Variants in PLXDC2 observed in about 807,000 individuals in gnomAD.
The protein encoded by PLXDC2 is plexin domain-containing protein 2.
PLXDC2 carries 40 observed loss-of-function variants against 68.9 expected under a neutral mutation model. That is an observed-to-expected ratio of 0.58 (90% CI 0.45 to 0.76). The LOEUF (loss-of-function observed/expected upper bound fraction) is 0.76. Ranked by LOEUF, PLXDC2 falls within the 30% of genes least tolerant of loss-of-function variation. The probability of loss-of-function intolerance (pLI) is 0.00; values close to 1 mark genes in which losing one functional copy is unlikely to be tolerated. For missense variants in PLXDC2, 644 were observed against 661.9 expected (o/e 0.97, Z 0.30); for synonymous variants, 243 against 234.2 (o/e 1.04, Z -0.34).
rs149728276 is a variant in PLXDC2 at position 20,004,410 on chromosome 10, G to A, written c.324+2424G>A. ...CTATTTTGGCAATGATGATGTTATA[G>A]CAACTTGGGGTAGGCAACATAATTC... is the stretch of plus-strand genomic sequence containing the variant. On this transcript the variant is annotated intron_variant, in intron 2 of 13. Transcript: ENST00000377252. Among the ~76,000 whole-genome samples the A allele has an allele frequency of 4.4e-3, 666 of 152,244 alleles. 5 individuals are homozygous for A. The highest frequency in any genetic ancestry group is 0.015 in the African/African-American group (620 of 41,546).
intron 12 of PLXDC2, among the ~76,000 whole-genome samples, chr10:20,236,126 C>A (rs1835429022): frequency 6.6e-6 from 1 of 152,072 alleles, no homozygotes; most frequent in African/African-American, 2.4e-5. Context: ...GAAGCCGAGA[C>A]ACATTTTATT....
intron 1 of PLXDC2, among the ~76,000 whole-genome samples, chr10:19,819,354 A>G (rs1056537341): frequency 1.3e-5 from 2 of 152,222 alleles, no homozygotes; most frequent in Non-Finnish European, 2.9e-5. Context: ...GACATCATTT[A>G]CATGTAGTTT....
intron 1 of PLXDC2, among the ~76,000 whole-genome samples, chr10:19,992,415 C>T (rs150936967): frequency 2.5e-3 from 376 of 152,238 alleles, no homozygotes; most frequent in Non-Finnish European, 4.3e-3. Flanking sequence ...TTTTCCTATT[C>T]ATAGGTTATC....
chr10:20,150,660 C>T (rs934489049), intron 6 of PLXDC2, among the ~76,000 whole-genome samples: 1 of 152,158 alleles, frequency 6.6e-6, no homozygotes, highest in South Asian at 2.1e-4. Context: ...TCTGTAAAGA[C>T]GCAAGGTCAG....
At chr10:19,919,073 A>G (rs932234420) in intron 1 of PLXDC2, among the ~76,000 whole-genome samples, 4 of 152,198 alleles carry the variant, frequency 2.6e-5, no homozygotes, top group Non-Finnish European at 5.9e-5. Flanking sequence ...ATTTTGTACA[A>G]TTGTAAATAT....
At chr10:20,097,220 A>G (rs545683143) in intron 4 of PLXDC2, among the ~76,000 whole-genome samples, 3 of 152,308 alleles carry the variant, frequency 2.0e-5, no homozygotes, top group African/African-American at 7.2e-5. Context: ...GGTCATTTGA[A>G]TCCGGAGACA....
chr10:20,077,873 T>C (rs1318796692), intron 4 of PLXDC2, among the ~76,000 whole-genome samples: 1 of 152,134 alleles, frequency 6.6e-6, no homozygotes, highest in Non-Finnish European at 1.5e-5. Context: ...GTTTATGAAG[T>C]TTTAGTCATT....
intron 13 of PLXDC2, among the ~76,000 whole-genome samples, chr10:20,259,837 C>G (rs370986852): frequency 6.6e-6 from 1 of 152,158 alleles, no homozygotes; most frequent in African/African-American, 2.4e-5. Context: ...CAAAACTGAC[C>G]TGCCAAGGCC....
intron 6 of PLXDC2, among the ~76,000 whole-genome samples, chr10:20,153,983 G>T (rs1473045737): frequency 6.6e-6 from 1 of 152,076 alleles, no homozygotes; most frequent in Non-Finnish European, 1.5e-5. Context: ...GCAAAGGTAA[G>T]GTTTGCCTAT....
chr10:19,858,393 T>C (rs367645795), intron 1 of PLXDC2, among the ~76,000 whole-genome samples: 131 of 152,320 alleles, frequency 8.6e-4, no homozygotes, highest in African/African-American at 2.3e-3. Context: ...AACAAAGTAG[T>C]GTTCAACGAA....
At chr10:20,273,846 T>C (rs1835970691) in intron 13 of PLXDC2, among the ~76,000 whole-genome samples, 1 of 152,104 alleles carries the variant, frequency 6.6e-6, no homozygotes, top group African/African-American at 2.4e-5. Flanking sequence ...GTGAAACCTG[T>C]CTCTACTAAA....
chr10:20,144,911 C>G (rs192668067), intron 5 of PLXDC2, among the ~76,000 whole-genome samples: 5 of 152,156 alleles, frequency 3.3e-5, no homozygotes, highest in Admixed American at 3.3e-4. Flanking sequence ...TTTTCATATA[C>G]CTTGTTCCTA....
At chr10:20,162,298 T>C (rs1300994842) in intron 6 of PLXDC2, among the ~76,000 whole-genome samples, 1 of 152,168 alleles carries the variant, frequency 6.6e-6, no homozygotes, top group Non-Finnish European at 1.5e-5. Flanking sequence ...ACATGTACTA[T>C]ACATAATGAC....
chr10:19,943,375 A>T (rs1169184415), intron 1 of PLXDC2, among the ~76,000 whole-genome samples: 3 of 152,210 alleles, frequency 2.0e-5, no homozygotes, highest in Non-Finnish European at 4.4e-5. Context: ...TATTGGGTGA[A>T]TATTCTATGC....
At chr10:20,237,703 CTT>C (rs1217476881) in intron 12 of PLXDC2, among the ~76,000 whole-genome samples, 3 of 152,268 alleles carry the variant, frequency 2.0e-5, no homozygotes, top group African/African-American at 7.2e-5. Flanking sequence ...TATAGTTTAA[CTT>C]TATTCTGAAG....
In PLXDC2 at chr10:20,046,322, CACAA is replaced by C. The variant is rs542753784; in HGVS notation, c.325-543_325-540del. On this transcript the variant is annotated intron_variant, in intron 2 of 13. Coordinates refer to ENST00000377252, the MANE Select transcript of PLXDC2 (RefSeq NM_032812.9). ...AAGAAGACTACTAATTTTATACACA[CACAA>C]ACACACACACACATAAAATTCAAAA... Among the ~76,000 whole-genome samples the C allele has an allele frequency of 7.9e-5, 12 of 152,140 alleles. No homozygotes were observed. The South Asian group carries it at 2.5e-3, about 32-fold the overall frequency.
At chr10:19,901,189 C>G (rs1292764381) in intron 1 of PLXDC2, among the ~76,000 whole-genome samples, 1 of 152,046 alleles carries the variant, frequency 6.6e-6, no homozygotes, top group African/African-American at 2.4e-5. Flanking sequence ...TGGGTAGACA[C>G]CTAGTAATGG....
At chr10:19,834,470 A>C (rs1377778358) in intron 1 of PLXDC2, among the ~76,000 whole-genome samples, 1 of 152,190 alleles carries the variant, frequency 6.6e-6, no homozygotes, top group African/African-American at 2.4e-5. Context: ...GGGGTCTCTG[A>C]GGACCGAATC....
At chr10:19,940,629 C>T (rs573995580) in intron 1 of PLXDC2, among the ~76,000 whole-genome samples, 21 of 151,802 alleles carry the variant, frequency 1.4e-4, no homozygotes, top group Non-Finnish European at 2.8e-4. Context: ...ATCATTGTCT[C>T]CTTGAATAAC....
Sources: gnomAD v4.1 joint callset for allele counts (sites outside exome capture counted in the v4.1 genomes callset) on GRCh38, gnomAD v4.1.1 for gene constraint, MANE v1.5 for transcripts, NCBI Gene and HGNC (gene_info 2026-07-23, HGNC 2026-07-21) for gene names.